The following TBC1D5 variants were observed in gnomAD, a reference collection of about 807,000 sequenced individuals.
The protein encoded by TBC1D5 is TBC1 domain family, member 5.
In TBC1D5, 75 loss-of-function variants were observed where a neutral mutation model predicts 100.3. The observed-to-expected ratio is 0.75, with a 90% CI of 0.62 to 0.91. The LOEUF (loss-of-function observed/expected upper bound fraction) is 0.91, where lower values mean the gene tolerates loss of function less well. Ranked by LOEUF, TBC1D5 falls within the 40% of genes least tolerant of loss-of-function variation. The pLI is 0.00. For synonymous variants in TBC1D5, 323 were observed against 325.6 expected (o/e 0.99, Z 0.09); for missense variants, 910 against 942.4 (o/e 0.97, Z 0.45).
intron 8 of TBC1D5, among the ~76,000 whole-genome samples, chr3:17,402,250 G>A (rs1022765527): frequency 5.9e-5 from 9 of 152,182 alleles, no homozygotes; most frequent in African/African-American, 2.2e-4. Context: ...GAATATCAGA[G>A]AGCGAGAGGC....
At chr3:17,438,767 T>C (rs2094583584) in intron 3 of TBC1D5, among the ~76,000 whole-genome samples, 1 of 152,146 alleles carries the variant, frequency 6.6e-6, no homozygotes, top group Admixed American at 6.5e-5. Context: ...TTAGTTTAAC[T>C]TTGGCTGAGA....
At chr3:17,741,096 T>C (rs1354848607), upstream of TBC1D5, among the ~76,000 whole-genome samples, 1 of 152,226 alleles carries the variant, frequency 6.6e-6, no homozygotes, top group Non-Finnish European at 1.5e-5. Flanking sequence ...ACTTTATTTA[T>C]TTGCACACAA....
intron 1 of TBC1D5, chr3:17,662,919 T>C (rs2066805987): frequency 6.6e-6 from 1 of 152,080 alleles, no homozygotes; most frequent in Non-Finnish European, 1.5e-5. Context: ...TGTACATGAG[T>C]GTCCGTGGTT....
intron 13 of TBC1D5, among the ~76,000 whole-genome samples, chr3:17,325,284 A>T (rs1345722065): frequency 1.4e-5 from 2 of 143,066 alleles, no homozygotes; most frequent in East Asian, 1.9e-4. Context: ...AAAAAAAAAA[A>T]GAAATGAACT....
At chr3:17,724,964 T>C (rs2076004661) in intron 1 of TBC1D5, among the ~76,000 whole-genome samples, 1 of 152,198 alleles carries the variant, frequency 6.6e-6, no homozygotes, top group South Asian at 2.1e-4. Flanking sequence ...ACTGCATTTT[T>C]CACTTGTAGA....
intron 1 of TBC1D5, among the ~76,000 whole-genome samples, chr3:17,651,568 G>C (rs935055590): frequency 1.3e-5 from 2 of 152,170 alleles, no homozygotes; most frequent in Non-Finnish European, 2.9e-5. Context: ...AAACTTCGTC[G>C]GGCATGCGCC....
At position 17,504,280 on chromosome 3, in the gene TBC1D5, G is replaced by A. The variant is rs1428354424; in HGVS notation, c.97+4194C>T. 9.4e-3 allele frequency among the ~76,000 whole-genome samples: 106 copies of A among 11,220 alleles called. 1 individual carries two copies. The highest frequency in any genetic ancestry group is 0.02 in the Non-Finnish European group (86 of 4,316). The allele number at this position is 11,220 out of a possible 152,430, so 7.4% of individuals were successfully genotyped here. A position where few individuals can be genotyped will look rare whatever the true frequency, so the allele number is the denominator to read the frequency against. ...ACATCACACTCTGGGGACTGTTGTG[G>A]GGTGGGGGGAGGGGGGAGGGGGGAG... is the stretch of plus-strand genomic sequence containing the variant. On this transcript the variant is annotated intron_variant, in intron 3 of 21. Transcript: ENST00000253692.
intron 13 of TBC1D5, among the ~76,000 whole-genome samples, chr3:17,339,318 T>C (rs2088472176): frequency 6.6e-6 from 1 of 152,218 alleles, no homozygotes; most frequent in Non-Finnish European, 1.5e-5. Context: ...GAACAGTGCA[T>C]CCGTGACAAG....
rs565210475 is a variant in TBC1D5, at chr3:17,682,808, G to C, written c.-101+56535C>G. ...TTTTATGTTGTAACATTATTTACTT[G>C]AAAAGTCTTTCTAACTTAAAAACTT... is the stretch of plus-strand genomic sequence containing the variant. On this transcript the variant is annotated intron_variant, in intron 1 of 21. Coordinates refer to ENST00000253692, the Ensembl canonical transcript of TBC1D5. 4.6e-4 allele frequency among the ~76,000 whole-genome samples: 70 copies of C among 151,502 alleles called. 2 individuals carry two copies. Among genetic ancestry groups the C allele is most frequent in the African/African-American group, 1.6e-3 (66 of 40,884 alleles).
intron 1 of TBC1D5, among the ~76,000 whole-genome samples, chr3:17,684,554 TA>T (rs1247679192): frequency 6.6e-6 from 1 of 152,076 alleles, no homozygotes; most frequent in Admixed American, 6.6e-5. Flanking sequence ...ACCTATTCAT[TA>T]AACCCTTTCA....
intron 2 of TBC1D5, among the ~76,000 whole-genome samples, chr3:17,584,003 C>G (rs1399533114): frequency 2.0e-5 from 3 of 151,922 alleles, no homozygotes; most frequent in African/African-American, 4.8e-5. Context: ...AGCATTCAGC[C>G]AAGAAAAGTA....
Position 17,683,062 on chromosome 3 carries a change from T to G in TBC1D5, c.-101+56281A>C, listed in dbSNP as rs1206009139. Reference sequence around the variant, plus strand: ...TAATTCAGAACATCTTTCCTTACTTTTTAAGGTTCCCCAGAATATTTTAAA... The same window carrying G: ...TAATTCAGAACATCTTTCCTTACTTGTTAAGGTTCCCCAGAATATTTTAAA... On this transcript the variant is annotated intron_variant, in intron 1 of 21. Transcript: ENST00000253692. 2.6e-5 allele frequency among the ~76,000 whole-genome samples: 4 copies of G among 151,580 alleles called. No individual in the cohort carries two copies. In the East Asian group the frequency reaches 7.7e-4, roughly 29 times the overall value.
intron 4 of TBC1D5, among the ~76,000 whole-genome samples, chr3:17,414,003 C>T (rs1430124285): frequency 2.0e-5 from 3 of 152,038 alleles, no homozygotes; most frequent in South Asian, 2.1e-4. Context: ...AAGTCACAGA[C>T]AGTGGAAGAA....
chr3:17,335,638 A>G (rs2087618152), intron 13 of TBC1D5, among the ~76,000 whole-genome samples: 1 of 152,184 alleles, frequency 6.6e-6, no homozygotes, highest in African/African-American at 2.4e-5. Flanking sequence ...CTAAATAGGC[A>G]TGGTTCCTCC....
At chr3:17,261,434 G>T (rs903834679) in intron 15 of TBC1D5, among the ~76,000 whole-genome samples, 1 of 116,200 alleles carries the variant, frequency 8.6e-6, no homozygotes, top group Non-Finnish European at 1.6e-5. Context: ...TTATGCAATC[G>T]AAATATTTTA....
At chr3:17,573,674 G>GT (rs2096640585) in intron 2 of TBC1D5, among the ~76,000 whole-genome samples, 3 of 152,090 alleles carry the variant, frequency 2.0e-5, no homozygotes, top group Admixed American at 2.0e-4. Context: ...ACCCCAGGCA[G>GT]TATTTCCCTC....
intron 9 of TBC1D5, among the ~76,000 whole-genome samples, chr3:17,380,162 A>G (rs989508815): frequency 2.9e-4 from 44 of 151,896 alleles, no homozygotes; most frequent in Non-Finnish European, 4.4e-5. Flanking sequence ...AATGAATGCA[A>G]TATCTACCAC....
chr3:17,326,611 C>G (rs2086179241), intron 13 of TBC1D5, among the ~76,000 whole-genome samples: 1 of 151,972 alleles, frequency 6.6e-6, no homozygotes, highest in African/African-American at 2.4e-5. Context: ...TAGCTGAGAC[C>G]ACAGGTATTC....
chr3:17,730,247 T>C (rs1013656421), intron 1 of TBC1D5, among the ~76,000 whole-genome samples: 1 of 152,134 alleles, frequency 6.6e-6, no homozygotes, highest in African/African-American at 2.4e-5. Flanking sequence ...TTAAGTAAAG[T>C]TGCAAATTCT....
Sources: allele counts gnomAD v4.1 joint callset (sites outside exome capture counted in the v4.1 genomes callset), GRCh38; gene constraint gnomAD v4.1.1; transcripts MANE v1.5; gene names NCBI Gene and HGNC (gene_info 2026-07-23, HGNC 2026-07-21).